The following GRID2 variants were observed in gnomAD, a reference collection of about 807,000 sequenced individuals.
The protein encoded by GRID2 is glutamate receptor ionotropic, delta-2.
A neutral mutation model predicts 114.8 loss-of-function variants in GRID2; 33 were observed. The observed-to-expected ratio is 0.29, with a 90% CI of 0.22 to 0.38. The LOEUF is 0.38. GRID2 is among the 10% of genes least tolerant of loss of function. GRID2 has a pLI of 1.00. For missense variants in GRID2, 1,184 were observed against 1,257.7 expected (o/e 0.94, Z 0.89); for synonymous variants, 505 against 449.9 (o/e 1.12, Z -1.55).
At position 92,334,264 on chromosome 4, in the gene GRID2, G is replaced by A. The variant is rs145703529; in HGVS notation, c.88+29520G>A. Among the ~76,000 whole-genome samples the A allele has an allele frequency of 1.3e-3, 205 of 152,184 alleles. 1 individual carries two copies. The highest frequency in any genetic ancestry group is 2.4e-3 in the Non-Finnish European group (165 of 68,016). ...TTAAGTAATCCCTAAGAAGATTTAG[G>A]CTCTTGTTACAGCTCTTGTTTTCTT... On this transcript the variant is annotated intron_variant, in intron 1 of 15. Coordinates refer to ENST00000282020, the MANE Select transcript of GRID2 (RefSeq NM_001510.4).
At chr4:92,805,107 C>T (rs1220146706) in intron 2 of GRID2, among the ~76,000 whole-genome samples, 1 of 151,932 alleles carries the variant, frequency 6.6e-6, no homozygotes, top group Non-Finnish European at 1.5e-5. Flanking sequence ...ATCTCATTTT[C>T]TACATGATGA....
chr4:93,250,104 A>G (rs918142448), intron 8 of GRID2, among the ~76,000 whole-genome samples: 3 of 152,210 alleles, frequency 2.0e-5, no homozygotes, highest in Non-Finnish European at 2.9e-5. Flanking sequence ...CCAAATGTCC[A>G]TCAATGATAG....
intron 1 of GRID2, among the ~76,000 whole-genome samples, chr4:92,318,641 A>G (rs1336174712): frequency 1.3e-5 from 2 of 148,326 alleles, no homozygotes. Context: ...CAGCCTCCCT[A>G]ATGTTTGTAT....
At chr4:92,926,710 C>T (rs1467713339) in intron 2 of GRID2, among the ~76,000 whole-genome samples, 3 of 151,850 alleles carry the variant, frequency 2.0e-5, no homozygotes, top group African/African-American at 4.8e-5. Context: ...TAAAAGAGAA[C>T]ATCTGAGACT....
intron 1 of GRID2, among the ~76,000 whole-genome samples, chr4:92,501,755 G>T (rs1436362325): frequency 1.3e-5 from 2 of 152,106 alleles, no homozygotes; most frequent in Non-Finnish European, 2.9e-5. Flanking sequence ...AACTGTTATG[G>T]ATCTATACTG....
intron 4 of GRID2, 26 bp downstream of exon 4, chr4:93,110,979 G>C (rs1164241278): frequency 2.8e-6 from 4 of 1,411,266 alleles, no homozygotes; most frequent in East Asian, 2.3e-5. Flanking sequence ...CTTGGGGTGA[G>C]AGTTGTACAA....
intron 2 of GRID2, chr4:92,838,809 C>T (rs1742663654): frequency 6.6e-6 from 1 of 151,946 alleles, no homozygotes; most frequent in Non-Finnish European, 1.5e-5. Context: ...AGGAGGTGAG[C>T]AGGGAACTTT....
chr4:92,949,188 G>A (rs939615157), intron 2 of GRID2, among the ~76,000 whole-genome samples: 1 of 151,568 alleles, frequency 6.6e-6, no homozygotes, highest in African/African-American at 2.4e-5. Context: ...GAAGGAGGGA[G>A]TATTTAACGA....
At chr4:93,218,791 G>A (rs1463403314) in intron 6 of GRID2, among the ~76,000 whole-genome samples, 1 of 152,088 alleles carries the variant, frequency 6.6e-6, no homozygotes, top group African/African-American at 2.4e-5. Context: ...AGTTCCTCAG[G>A]GCAGGGAAGC....
chr4:92,626,459 A>G (rs1224973021), intron 2 of GRID2, among the ~76,000 whole-genome samples: 1 of 152,030 alleles, frequency 6.6e-6, no homozygotes, highest in African/African-American at 2.4e-5. Flanking sequence ...AAAAACACCA[A>G]ACAACATAGC....
At chr4:93,092,407 A>G (rs753508418) in intron 3 of GRID2, among the ~76,000 whole-genome samples, 12 of 152,088 alleles carry the variant, frequency 7.9e-5, no homozygotes, top group African/African-American at 2.7e-4. Context: ...AGAGGCCAAA[A>G]TAGTCAATGT....
chr4:92,507,551 GT>G (rs914022394), intron 1 of GRID2, among the ~76,000 whole-genome samples: 5 of 151,280 alleles, frequency 3.3e-5, no homozygotes, highest in Admixed American at 6.6e-5. Context: ...TCTGAGTCCA[GT>G]TTTTTTTAAT....
intron 2 of GRID2, among the ~76,000 whole-genome samples, chr4:92,926,127 A>T (rs1749791903): frequency 6.6e-6 from 1 of 152,026 alleles, no homozygotes; most frequent in Non-Finnish European, 1.5e-5. Flanking sequence ...ACATTTATAA[A>T]ACACTTCTAA....
chr4:93,715,616 G>A (rs930013263), intron 14 of GRID2, among the ~76,000 whole-genome samples: 54 of 152,066 alleles, frequency 3.6e-4, no homozygotes, highest in African/African-American at 1.3e-3. Flanking sequence ...TTGAGTAGTG[G>A]CTTGTAGTTC....
chr4:92,541,961 ATGAT>A (rs955329910), intron 1 of GRID2, among the ~76,000 whole-genome samples: 6 of 152,116 alleles, frequency 3.9e-5, no homozygotes, highest in African/African-American at 2.4e-5. Context: ...TTTTTAGAAT[ATGAT>A]TGTGCTGAGT....
chr4:93,769,157 C>A (rs1224394833), intron 14 of GRID2, 53 bp from the exon 15 acceptor site: 26 of 1,591,366 alleles, frequency 1.6e-5, no homozygotes, highest in Non-Finnish European at 2.0e-5. Context: ...GTGTTGTGAA[C>A]CAGGGCGATA....
At chr4:93,576,737 C>G (rs1736462785) in intron 13 of GRID2, among the ~76,000 whole-genome samples, 1 of 151,394 alleles carries the variant, frequency 6.6e-6, no homozygotes, top group Non-Finnish European at 1.5e-5. Flanking sequence ...TTTTTTTTCT[C>G]TTGATCCAAG....
intron 2 of GRID2, among the ~76,000 whole-genome samples, chr4:93,032,031 ATAATT>A (rs1045947541): frequency 7.2e-5 from 11 of 152,272 alleles, no homozygotes; most frequent in African/African-American, 2.6e-4. Context: ...CCAGCAACCT[ATAATT>A]TAATAAAGAA....
At chr4:92,310,395 A>C (rs2110108445) in intron 1 of GRID2, among the ~76,000 whole-genome samples, 1 of 152,188 alleles carries the variant, frequency 6.6e-6, no homozygotes, top group Admixed American at 6.5e-5. Flanking sequence ...GTCTTATGTT[A>C]GATTTTGCCC....
Sources: gnomAD v4.1 joint callset for allele counts (sites outside exome capture counted in the v4.1 genomes callset) on GRCh38, gnomAD v4.1.1 for gene constraint, MANE v1.5 for transcripts, NCBI Gene and HGNC (gene_info 2026-07-23, HGNC 2026-07-21) for gene names.